Variants in PRKG1 observed in about 807,000 individuals in gnomAD.
PRKG1 encodes the protein protein kinase cGMP-dependent 1.
Under a neutral mutation model 88.1 loss-of-function variants are expected in PRKG1, and 35 were observed. The observed-to-expected ratio is 0.40, with a 90% confidence interval of 0.30 to 0.53. The LOEUF is 0.53. Among genes scored for constraint, PRKG1 ranks in the 20% least tolerant of loss-of-function variants. The pLI, the probability that PRKG1 is intolerant of heterozygous loss-of-function variation, is 0.59. For synonymous variants in PRKG1, 303 were observed against 292.5 expected (o/e 1.04, Z -0.37); for missense variants, 540 against 839.8 (o/e 0.64, Z 4.41).
At chr10:50,994,401 A>ATTTTTT (rs562018970) in intron 1 of PRKG1, among the ~76,000 whole-genome samples, 10 of 87,680 alleles carry the variant, frequency 1.1e-4, no homozygotes, top group African/African-American at 2.8e-4. Flanking sequence ...CTCACCTGTA[A>ATTTTTT]TTTTTTTTTT....
intron 2 of PRKG1, among the ~76,000 whole-genome samples, chr10:51,385,482 T>C (rs1837227079): frequency 6.6e-6 from 1 of 152,202 alleles, no homozygotes; most frequent in Admixed American, 6.5e-5. Flanking sequence ...TTACCCACAG[T>C]AGCCCATTCC....
intron 5 of PRKG1, among the ~76,000 whole-genome samples, chr10:52,052,545 G>A (rs944349263): frequency 3.3e-5 from 5 of 152,054 alleles, no homozygotes; most frequent in Admixed American, 1.3e-4. Context: ...CCCTAAGACT[G>A]GGTAACTTAG....
At chr10:52,249,797 C>T (rs1206278553) in intron 9 of PRKG1, among the ~76,000 whole-genome samples, 1 of 151,868 alleles carries the variant, frequency 6.6e-6, no homozygotes, top group African/African-American at 2.4e-5. Flanking sequence ...GCACTCTAGC[C>T]TCAGCCTGGG....
At chr10:51,614,309 C>T (rs1838988358) in intron 3 of PRKG1, among the ~76,000 whole-genome samples, 1 of 151,742 alleles carries the variant, frequency 6.6e-6, no homozygotes, top group South Asian at 2.1e-4. Flanking sequence ...CAGAGCTACT[C>T]CTGCTAGTTT....
At chr10:51,423,170 A>G (rs1838467401) in intron 2 of PRKG1, among the ~76,000 whole-genome samples, 1 of 152,136 alleles carries the variant, frequency 6.6e-6, no homozygotes, top group African/African-American at 2.4e-5. Context: ...GCTTCTTTCC[A>G]CATGAAGAAG....
At chr10:51,048,964 G>T (rs1294877121) in intron 1 of PRKG1, among the ~76,000 whole-genome samples, 2 of 152,024 alleles carry the variant, frequency 1.3e-5, no homozygotes, top group Non-Finnish European at 2.9e-5. Context: ...CAGTGGCCTA[G>T]AACTGAGTAA....
chr10:51,510,372 C>T (rs1372722253), intron 3 of PRKG1, among the ~76,000 whole-genome samples: 1 of 152,082 alleles, frequency 6.6e-6, no homozygotes, highest in East Asian at 1.9e-4. Flanking sequence ...TAGCAAATTT[C>T]AAAATACAAT....
At chr10:51,615,858 T>C (rs1022276016) in intron 3 of PRKG1, among the ~76,000 whole-genome samples, 5 of 152,136 alleles carry the variant, frequency 3.3e-5, no homozygotes, top group African/African-American at 4.8e-5. Flanking sequence ...AACTATTGTA[T>C]TCATTTAGTG....
At chr10:52,181,289 G>A (rs1447501491) in intron 9 of PRKG1, among the ~76,000 whole-genome samples, 1 of 152,080 alleles carries the variant, frequency 6.6e-6, no homozygotes, top group Non-Finnish European at 1.5e-5. Context: ...GGGGTGGCCT[G>A]GGACATGAGA....
intron 5 of PRKG1, among the ~76,000 whole-genome samples, chr10:52,009,043 C>T (rs1333713451): frequency 6.6e-6 from 1 of 152,018 alleles, no homozygotes; most frequent in Admixed American, 6.6e-5. Flanking sequence ...AAATAAAAGC[C>T]ATCTATGACA....
At chr10:51,428,349 G>C (rs1838656706) in intron 2 of PRKG1, among the ~76,000 whole-genome samples, 1 of 152,126 alleles carries the variant, frequency 6.6e-6, no homozygotes. Context: ...TTTTGCCAAA[G>C]TTTAGCTTCT....
chr10:51,948,541 TGTGTGTGC>T (rs139617112), intron 5 of PRKG1, among the ~76,000 whole-genome samples: 10 of 71,870 alleles, frequency 1.4e-4, no homozygotes, highest in Middle Eastern at 5.7e-3. Flanking sequence ...TGTGTGTGTG[TGTGTGTGC>T]GTGTGTGTGT....
At chr10:52,116,757 C>G (rs1209372189) in intron 7 of PRKG1, among the ~76,000 whole-genome samples, 1 of 152,092 alleles carries the variant, frequency 6.6e-6, no homozygotes, top group Admixed American at 6.6e-5. Flanking sequence ...GTATGTCAGA[C>G]AGTGATCCAG....
chr10:51,787,268 A>G (rs1838752890), intron 3 of PRKG1, among the ~76,000 whole-genome samples: 1 of 152,198 alleles, frequency 6.6e-6, no homozygotes, highest in Non-Finnish European at 1.5e-5. Flanking sequence ...AATGGCTTCA[A>G]GCTTTCAGAG....
intron 4 of PRKG1, among the ~76,000 whole-genome samples, chr10:51,881,904 C>G (rs1325022712): frequency 6.6e-6 from 1 of 152,070 alleles, no homozygotes; most frequent in Non-Finnish European, 1.5e-5. Context: ...GTGGCAAGAC[C>G]AGGCACCAAC....
intron 2 of PRKG1, among the ~76,000 whole-genome samples, chr10:51,409,384 T>C (rs1431278893): frequency 6.6e-6 from 1 of 152,138 alleles, no homozygotes; most frequent in Non-Finnish European, 1.5e-5. Flanking sequence ...TGCTCGAGCC[T>C]GATCACATGT....
intron 7 of PRKG1, among the ~76,000 whole-genome samples, chr10:52,077,498 GA>G (rs1313894112): frequency 6.6e-6 from 1 of 152,136 alleles, no homozygotes; most frequent in African/African-American, 2.4e-5. Flanking sequence ...CTTTGTAGAT[GA>G]TGGATATTTT....
chr10:52,115,781 C>G (rs796803496), intron 7 of PRKG1, among the ~76,000 whole-genome samples: 5 of 152,256 alleles, frequency 3.3e-5, no homozygotes, highest in African/African-American at 1.2e-4. Flanking sequence ...TCTGTATACC[C>G]AGCAACTTGG....
intron 1 of PRKG1, among the ~76,000 whole-genome samples, chr10:51,051,910 C>G (rs1021503243): frequency 6.6e-6 from 1 of 151,952 alleles, no homozygotes; most frequent in African/African-American, 2.4e-5. Flanking sequence ...AATATTAACC[C>G]TAACTAACAC....
Sources: allele counts gnomAD v4.1 joint callset (sites outside exome capture counted in the v4.1 genomes callset), GRCh38; gene constraint gnomAD v4.1.1; transcripts MANE v1.5; gene names NCBI Gene and HGNC (gene_info 2026-07-23, HGNC 2026-07-21).